TESC: variants seen among roughly 807,000 people sequenced by gnomAD.
TESC encodes the protein tescalcin.
TESC carries 19 observed loss-of-function variants against 31.0 expected under a neutral mutation model. The observed-to-expected ratio is 0.61, with a 90% CI of 0.43 to 0.90. The LOEUF (loss-of-function observed/expected upper bound fraction) is 0.90, where lower values mean the gene tolerates loss of function less well. Ranked by LOEUF, TESC falls within the 40% of genes least tolerant of loss-of-function variation. The pLI is 0.00. For synonymous variants in TESC, 109 were observed against 114.8 expected (o/e 0.95, Z 0.32); for missense variants, 248 against 303.8 (o/e 0.82, Z 1.36).
intron 2 of TESC, among the ~76,000 whole-genome samples, chr12:117,063,693 C>T (rs540358351): frequency 1.0e-3 from 156 of 152,312 alleles, no homozygotes; most frequent in South Asian, 4.4e-3. Context: ...GCTGCCTGCC[C>T]AATGTCCCTC....
intron 6 of TESC, among the ~76,000 whole-genome samples, chr12:117,043,009 C>G (rs574001419): frequency 6.6e-6 from 1 of 152,068 alleles, no homozygotes; most frequent in Non-Finnish European, 1.5e-5. Context: ...ATCTGTATGT[C>G]TCACTCTGGA....
At position 117,057,623 on chromosome 12, in the gene TESC, C is replaced by T. The variant is rs141873175; in HGVS notation, c.129-737G>A. On this transcript the variant is annotated intron_variant, in intron 2 of 7. Coordinates refer to ENST00000335209, the MANE Select transcript of TESC (RefSeq NM_017899.4). ...TGGAGTATTGACAACCCAGCAACTC[C>T]ACTCCTAGGGATATGCCCAAGAGAA... Among the ~76,000 whole-genome samples, 667 of 152,302 alleles carry T rather than the reference C, an allele frequency of 4.4e-3. 8 individuals are homozygous for T. The highest frequency in any genetic ancestry group is 0.016 in the African/African-American group (647 of 41,552).
At chr12:117,068,577 G>C (rs1954918733) in intron 2 of TESC, among the ~76,000 whole-genome samples, 1 of 152,140 alleles carries the variant, frequency 6.6e-6, no homozygotes, top group African/African-American at 2.4e-5. Flanking sequence ...AACAGGACCT[G>C]GAGTTAGGAC....
intron 6 of TESC, among the ~76,000 whole-genome samples, chr12:117,044,558 C>T (rs1427391353): frequency 1.3e-5 from 2 of 152,186 alleles, no homozygotes; most frequent in African/African-American, 2.4e-5. Context: ...GTGAAGCAGT[C>T]CCCCCATCAA....
intron 2 of TESC, among the ~76,000 whole-genome samples, chr12:117,058,859 T>C (rs1593002417): frequency 6.6e-6 from 1 of 151,704 alleles, no homozygotes; most frequent in African/African-American, 2.4e-5. Flanking sequence ...AGGCTGCAGG[T>C]TTGCAGGCAG....
intron 1 of TESC, among the ~76,000 whole-genome samples, chr12:117,077,660 T>C (rs1443795468): frequency 6.6e-6 from 1 of 152,238 alleles, no homozygotes; most frequent in Non-Finnish European, 1.5e-5. Flanking sequence ...TTTATGATTC[T>C]ATTTGCATAA....
In TESC at chr12:117,046,526, T is replaced by C. The variant is rs747022606; in HGVS notation, c.519+33A>G. The C allele has an allele frequency of 5.2e-6, 8 of 1,531,950 alleles. No homozygotes were observed. In the South Asian group the frequency reaches 9.7e-5, roughly 19 times the overall value. 94.9% of individuals were successfully genotyped at this position (1,531,950 alleles called of 1,614,324 possible). Reference sequence around the variant, plus strand: ...CGCAGACCATAAGCGGGAAAGGCACTGCGCGTCTCGGGAGGGCTGCAGGGG... The same window carrying C: ...CGCAGACCATAAGCGGGAAAGGCACCGCGCGTCTCGGGAGGGCTGCAGGGG... On this transcript the variant is annotated intron_variant, in intron 6 of 7. Transcript: ENST00000335209.
At chr12:117,090,445 G>A (rs959809726) in intron 1 of TESC, among the ~76,000 whole-genome samples, 1 of 152,234 alleles carries the variant, frequency 6.6e-6, no homozygotes, top group Non-Finnish European at 1.5e-5. Flanking sequence ...CTCCTGAAGT[G>A]TTCCCAGTTG....
intron 2 of TESC, among the ~76,000 whole-genome samples, chr12:117,069,866 G>C (rs1254368923): frequency 6.6e-6 from 1 of 152,218 alleles, no homozygotes; most frequent in Non-Finnish European, 1.5e-5. Context: ...CTGTGGTTCT[G>C]AATGATCATT....
At chr12:117,060,153 C>T (rs1954782627) in intron 2 of TESC, among the ~76,000 whole-genome samples, 1 of 152,118 alleles carries the variant, frequency 6.6e-6, no homozygotes, top group African/African-American at 2.4e-5. Context: ...ATGTGCATTA[C>T]AGCTCCATAA....
chr12:117,056,696 C>A (rs2270792), intron 3 of TESC, 110 bp downstream of exon 3: 1 of 1,234,732 alleles, frequency 8.1e-7, no homozygotes. Context: ...CCAGCTTGGC[C>A]CCCTCTTCTG....
chr12:117,084,393 G>A (rs1304436716), intron 1 of TESC, among the ~76,000 whole-genome samples: 1 of 152,216 alleles, frequency 6.6e-6, no homozygotes, highest in African/African-American at 2.4e-5. Flanking sequence ...GGCTGCCACC[G>A]TTCCCTCCAG....
At position 117,049,163 on chromosome 12, in the gene TESC, G is replaced by T; in HGVS notation, c.210-5C>A. 1 of 1,614,156 alleles carries T rather than the reference G, an allele frequency of 6.2e-7. No individual in the cohort carries two copies. The highest frequency in any genetic ancestry group is 8.5e-7 in the Non-Finnish European group (1 of 1,180,016). ...CTGGGTCCCTTGCGCAGGTTCCTACGGGAGCAACAAGGAGGGTGTTGGAAA... is the reference window on the plus strand; with the variant it reads ...CTGGGTCCCTTGCGCAGGTTCCTACTGGAGCAACAAGGAGGGTGTTGGAAA... On this transcript the variant is annotated splice_region_variant and splice_polypyrimidine_tract_variant and intron_variant, in intron 3 of 7. Coordinates refer to ENST00000335209, the MANE Select transcript of TESC (RefSeq NM_017899.4).
At chr12:117,060,797 G>A (rs770180626) in intron 2 of TESC, among the ~76,000 whole-genome samples, 9 of 152,158 alleles carry the variant, frequency 5.9e-5, no homozygotes, top group South Asian at 2.1e-4. Context: ...CTGGCCATCC[G>A]AATAGAATCC....
At chr12:117,076,855 G>A (rs1345995243) in intron 1 of TESC, among the ~76,000 whole-genome samples, 1 of 152,172 alleles carries the variant, frequency 6.6e-6, no homozygotes, top group Non-Finnish European at 1.5e-5. Context: ...TGACCCCAAA[G>A]CCAGCCTTCA....
chr12:117,055,178 G>A (rs541158078), intron 3 of TESC, among the ~76,000 whole-genome samples: 52 of 152,234 alleles, frequency 3.4e-4, no homozygotes, highest in African/African-American at 1.1e-3. Context: ...ATCTCATTCC[G>A]TTGCCCAGAC....
intron 1 of TESC, among the ~76,000 whole-genome samples, chr12:117,097,451 G>A (rs1198026216): frequency 6.6e-6 from 1 of 152,154 alleles, no homozygotes; most frequent in African/African-American, 2.4e-5. Flanking sequence ...TGCCCCGTGG[G>A]CTGCCGGAGA....
intron 3 of TESC, among the ~76,000 whole-genome samples, chr12:117,050,171 C>A (rs1160510197): frequency 6.6e-6 from 1 of 151,084 alleles, no homozygotes; most frequent in Non-Finnish European, 1.5e-5. Context: ...TATTTCATGA[C>A]AAGTGAAAAT....
At position 117,045,252 on chromosome 12, in the gene TESC, G is replaced by A. The variant is rs80062357; in HGVS notation, c.519+1307C>T. 6.7e-3 allele frequency among the ~76,000 whole-genome samples: 1,023 copies of A among 152,336 alleles called. 12 individuals carry two copies. Among genetic ancestry groups the A allele is most frequent in the African/African-American group, 0.024 (993 of 41,580 alleles). On this transcript the variant is annotated intron_variant, in intron 6 of 7. Transcript: ENST00000335209. Reference sequence around the variant, plus strand: ...CACCTCATGGGGGCCCGTAGGCAGCGGGTACGCCCCGGAGCCCGGCCTCCG... The same window carrying A: ...CACCTCATGGGGGCCCGTAGGCAGCAGGTACGCCCCGGAGCCCGGCCTCCG...
Sources: gnomAD v4.1 joint callset for allele counts (sites outside exome capture counted in the v4.1 genomes callset) on GRCh38, gnomAD v4.1.1 for gene constraint, MANE v1.5 for transcripts, NCBI Gene and HGNC (gene_info 2026-07-23, HGNC 2026-07-21) for gene names.